Variants in PARD3 observed in about 807,000 individuals in gnomAD.
PARD3 encodes par-3 family cell polarity regulator, also known as partitioning defective 3 homolog.
In PARD3, 75 loss-of-function variants were observed where a neutral mutation model predicts 155.4. That is an observed-to-expected ratio of 0.48 (90% CI 0.40 to 0.58). The LOEUF (loss-of-function observed/expected upper bound fraction) is 0.58. Ranked by LOEUF, PARD3 falls within the 20% of genes least tolerant of loss-of-function variation. PARD3 has a pLI of 0.00. For missense variants in PARD3, 1,642 were observed against 1,721.7 expected (o/e 0.95, Z 0.82); for synonymous variants, 576 against 610.5 (o/e 0.94, Z 0.83).
At chr10:34,427,624 T>C (rs778388031) in intron 5 of PARD3, among the ~76,000 whole-genome samples, 1 of 152,136 alleles carries the variant, frequency 6.6e-6, no homozygotes, top group Non-Finnish European at 1.5e-5. Context: ...AAGCATGTGA[T>C]CTCTGTGACC....
chr10:34,717,469 C>T (rs554009367), intron 1 of PARD3, among the ~76,000 whole-genome samples: 7 of 152,268 alleles, frequency 4.6e-5, no homozygotes, highest in South Asian at 2.1e-4. Context: ...CTGTATTAAA[C>T]ACGCATTTAT....
intron 19 of PARD3, among the ~76,000 whole-genome samples, chr10:34,321,229 G>A (rs1025476696): frequency 6.6e-6 from 1 of 152,066 alleles, no homozygotes; most frequent in African/African-American, 2.4e-5. Context: ...AAACGAACAT[G>A]CATATAAACA....
chr10:34,270,711 G>A (rs1264482387), intron 21 of PARD3, among the ~76,000 whole-genome samples: 2 of 152,078 alleles, frequency 1.3e-5, no homozygotes, highest in Non-Finnish European at 2.9e-5. Context: ...AGTGACAAAA[G>A]AGGATCTCAG....
chr10:34,606,156 A>G (rs1365960648), intron 2 of PARD3, among the ~76,000 whole-genome samples: 1 of 126,500 alleles, frequency 7.9e-6, no homozygotes, highest in Non-Finnish European at 1.7e-5. Context: ...ATAAAGGGAA[A>G]TGTGTGTGTG....
At chr10:34,386,652 C>T (rs1842374662) in intron 7 of PARD3, among the ~76,000 whole-genome samples, 1 of 151,802 alleles carries the variant, frequency 6.6e-6, no homozygotes, top group African/African-American at 2.4e-5. Context: ...GAGAAACCCC[C>T]TCTCTACTAA....
intron 20 of PARD3, among the ~76,000 whole-genome samples, chr10:34,310,725 T>G (rs1285867101): frequency 6.6e-6 from 1 of 152,226 alleles, no homozygotes; most frequent in African/African-American, 2.4e-5. Flanking sequence ...AGCAGGTCAG[T>G]TGGACATTTA....
At chr10:34,140,808 T>C (rs771720964) in intron 22 of PARD3, among the ~76,000 whole-genome samples, 7 of 152,200 alleles carry the variant, frequency 4.6e-5, no homozygotes, top group Non-Finnish European at 1.0e-4. Flanking sequence ...ATTTCTCTTC[T>C]GGTTGTGAAG....
intron 3 of PARD3, among the ~76,000 whole-genome samples, chr10:34,491,400 A>G (rs1360506040): frequency 6.6e-6 from 1 of 152,258 alleles, no homozygotes; most frequent in African/African-American, 2.4e-5. Context: ...TGAAAAAGTT[A>G]TATAGAAATA....
chr10:34,255,215 A>G (rs913876122), intron 22 of PARD3, among the ~76,000 whole-genome samples: 12 of 152,000 alleles, frequency 7.9e-5, no homozygotes, highest in African/African-American at 2.9e-4. Flanking sequence ...ATTCCTCAAG[A>G]CACTTGGCTG....
chr10:34,686,437 A>T (rs1456708511), intron 2 of PARD3, among the ~76,000 whole-genome samples: 2 of 25,928 alleles, frequency 7.7e-5, no homozygotes, highest in African/African-American at 1.5e-4. Context: ...GAACTCCCTT[A>T]AAAAAAAAAA....
intron 4 of PARD3, among the ~76,000 whole-genome samples, chr10:34,451,466 A>G (rs1039731229): frequency 1.3e-5 from 2 of 152,206 alleles, no homozygotes; most frequent in African/African-American, 2.4e-5. Context: ...GTGCTAAACT[A>G]TATGAACACC....
chr10:34,642,293 G>A (rs766826875), intron 2 of PARD3, among the ~76,000 whole-genome samples: 1 of 151,944 alleles, frequency 6.6e-6, no homozygotes, highest in Non-Finnish European at 1.5e-5. Flanking sequence ...ACGTCAAAGG[G>A]CCCAGCTGTC....
At chr10:34,250,155 C>CG (rs1954215357) in intron 22 of PARD3, among the ~76,000 whole-genome samples, 1 of 151,438 alleles carries the variant, frequency 6.6e-6, no homozygotes, top group Non-Finnish European at 1.5e-5. Flanking sequence ...TGCTCCCCCT[C>CG]CACACACACA....
At chr10:34,458,429 C>T (rs2077447550) in intron 4 of PARD3, among the ~76,000 whole-genome samples, 1 of 152,170 alleles carries the variant, frequency 6.6e-6, no homozygotes. Context: ...TCTCAAGCTC[C>T]TGGCCTCGAG....
chr10:34,700,969 C>T (rs1385465248), intron 1 of PARD3, among the ~76,000 whole-genome samples: 2 of 151,864 alleles, frequency 1.3e-5, no homozygotes, highest in African/African-American at 4.8e-5. Flanking sequence ...AGTGAGACTC[C>T]ATCTCAAAAA....
At chr10:34,314,246 TCAAA>T (rs1466418005) in intron 20 of PARD3, among the ~76,000 whole-genome samples, 1 of 152,004 alleles carries the variant, frequency 6.6e-6, no homozygotes, top group Non-Finnish European at 1.5e-5. Flanking sequence ...TATATTCATC[TCAAA>T]CAATCAGATC....
intron 4 of PARD3, among the ~76,000 whole-genome samples, chr10:34,457,741 C>T (rs1055646574): frequency 3.9e-5 from 6 of 152,076 alleles, no homozygotes; most frequent in African/African-American, 9.7e-5. Context: ...CCTAAGACTA[C>T]GGGTGCAAGC....
rs1589922097 is a variant in PARD3, at chr10:34,536,369, T to A, written c.223-19210A>T. 2.6e-5 allele frequency among the ~76,000 whole-genome samples: 4 copies of A among 152,304 alleles called. 1 individual carries two copies. Among genetic ancestry groups the A allele is most frequent in the Admixed American group, 2.6e-4 (4 of 15,296 alleles). ...AGAAAAACTAAGTCTCCATTAATAA[T>A]CACCCCAAACATCTATGAAAGAAGT... On this transcript the variant is annotated intron_variant, in intron 2 of 24. Coordinates refer to ENST00000374788, the MANE Select transcript of PARD3 (RefSeq NM_001184785.2).
At chr10:34,367,019 C>T (rs1589321840) in intron 12 of PARD3, among the ~76,000 whole-genome samples, 1 of 152,072 alleles carries the variant, frequency 6.6e-6, no homozygotes, top group Non-Finnish European at 1.5e-5. Context: ...AAATTTTTTG[C>T]TTGGTAAAAT....
Sources: gnomAD v4.1 joint callset for allele counts (sites outside exome capture counted in the v4.1 genomes callset) on GRCh38, gnomAD v4.1.1 for gene constraint, MANE v1.5 for transcripts, NCBI Gene and HGNC (gene_info 2026-07-23, HGNC 2026-07-21) for gene names.